Variants in ZNF804B observed in about 807,000 individuals in gnomAD.
ZNF804B encodes zinc finger 804B.
In ZNF804B, 80 loss-of-function variants were observed where a neutral mutation model predicts 101.4. The ratio of observed to expected loss-of-function variants is 0.79; its 90% CI spans 0.66 to 0.95. The LOEUF is 0.95. Among genes scored for constraint, ZNF804B ranks in the 40% least tolerant of loss-of-function variants. ZNF804B has a pLI of 0.00. For missense variants in ZNF804B, 1,673 were observed against 1,561.9 expected, an observed-to-expected ratio of 1.07 and a Z score of -1.20; for synonymous variants, 622 against 558.8, an observed-to-expected ratio of 1.11 and a Z score of -1.59.
chr7:88,952,877 A>G (rs1209970374), intron 1 of ZNF804B, among the ~76,000 whole-genome samples: 1 of 151,826 alleles, frequency 6.6e-6, no homozygotes, highest in Non-Finnish European at 1.5e-5. Flanking sequence ...GAATGGATAC[A>G]TGGAAGAGTG....
At chr7:89,187,088 T>A (rs183528703) in intron 1 of ZNF804B, among the ~76,000 whole-genome samples, 1 of 152,294 alleles carries the variant, frequency 6.6e-6, no homozygotes, top group East Asian at 1.9e-4. Context: ...AGCACAAATA[T>A]CAGAGTCCTT....
intron 1 of ZNF804B, among the ~76,000 whole-genome samples, chr7:88,868,649 C>G (rs73705569): frequency 2.6e-5 from 4 of 152,136 alleles, no homozygotes; most frequent in Non-Finnish European, 5.9e-5. Context: ...TTGATGTTTT[C>G]AGGACCCAAG....
chr7:89,209,678 G>A (rs1030656845), intron 1 of ZNF804B, among the ~76,000 whole-genome samples: 6 of 152,114 alleles, frequency 3.9e-5, no homozygotes, highest in South Asian at 2.1e-4. Flanking sequence ...CTAATTCTCC[G>A]TGATATGAAT....
chr7:88,876,855 T>C (rs568565028), intron 1 of ZNF804B, among the ~76,000 whole-genome samples: 4 of 150,664 alleles, frequency 2.7e-5, no homozygotes, highest in African/African-American at 9.8e-5. Context: ...GTTAATAAAA[T>C]ATACACCACT....
intron 2 of ZNF804B, among the ~76,000 whole-genome samples, chr7:89,305,755 C>T (rs1470621802): frequency 2.6e-5 from 4 of 151,476 alleles, no homozygotes; most frequent in African/African-American, 9.7e-5. Context: ...TTTCCCTATA[C>T]TTCTGGTATT....
chr7:88,814,175 AT>A (rs2115741591), intron 1 of ZNF804B, among the ~76,000 whole-genome samples: 1 of 152,294 alleles, frequency 6.6e-6, no homozygotes. Context: ...TGTCAAGTGA[AT>A]AAGACTTTTC....
chr7:89,043,845 G>C (rs1279362264), intron 1 of ZNF804B, among the ~76,000 whole-genome samples: 3 of 152,210 alleles, frequency 2.0e-5, no homozygotes, highest in East Asian at 3.9e-4. Context: ...AACTGGGCCA[G>C]GGACCTCCTT....
At chr7:88,870,301 C>T (rs992731014) in intron 1 of ZNF804B, among the ~76,000 whole-genome samples, 10 of 144,502 alleles carry the variant, frequency 6.9e-5, no homozygotes, top group South Asian at 2.2e-4. Flanking sequence ...AGGAGAATGG[C>T]GTGAACCCGG....
chr7:88,833,691 C>G (rs1452632318), intron 1 of ZNF804B, among the ~76,000 whole-genome samples: 1 of 151,866 alleles, frequency 6.6e-6, no homozygotes, highest in Non-Finnish European at 1.5e-5. Flanking sequence ...AGCCTTAAGT[C>G]TATTGACCTC....
chr7:88,816,293 A>G lies in ZNF804B; in HGVS notation c.108+56209A>G, dbSNP rs527507791. Among the ~76,000 whole-genome samples the G allele has an allele frequency of 1.3e-4, 20 of 152,310 alleles. No individual in the cohort carries two copies. The East Asian group carries it at 3.7e-3, about 28-fold the overall frequency. On this transcript the variant is annotated intron_variant, in intron 1 of 3. Coordinates refer to ENST00000333190, the MANE Select transcript of ZNF804B (RefSeq NM_181646.5). The stretch of plus-strand genomic sequence containing the variant: ...CCATAAAAGCTGCAGAAGAAAACCT[A>G]GGCAATACCATTCAGGATATAGGCA...
At chr7:89,307,905 T>G (rs1394797757) in intron 2 of ZNF804B, among the ~76,000 whole-genome samples, 1 of 152,034 alleles carries the variant, frequency 6.6e-6, no homozygotes, top group Non-Finnish European at 1.5e-5. Flanking sequence ...CCTAATAACC[T>G]TTTTTCCTCA....
intron 1 of ZNF804B, among the ~76,000 whole-genome samples, chr7:88,907,263 G>T (rs1389114991): frequency 3.3e-5 from 5 of 151,916 alleles, no homozygotes; most frequent in African/African-American, 7.2e-5. Context: ...GATAGCACAA[G>T]GTTGAGTCTT....
intron 1 of ZNF804B, among the ~76,000 whole-genome samples, chr7:89,186,828 A>G (rs1445349978): frequency 1.3e-5 from 2 of 152,142 alleles, no homozygotes; most frequent in Non-Finnish European, 2.9e-5. Context: ...GTAATATGAT[A>G]TAGCAGTTGT....
intron 1 of ZNF804B, among the ~76,000 whole-genome samples, chr7:89,086,489 G>T (rs1789803207): frequency 6.6e-6 from 1 of 151,924 alleles, no homozygotes; most frequent in East Asian, 1.9e-4. Context: ...TGCAGTCAAG[G>T]TGTCTGGTTA....
chr7:89,295,706 T>A (rs562229009), intron 2 of ZNF804B, among the ~76,000 whole-genome samples: 1 of 152,262 alleles, frequency 6.6e-6, no homozygotes, highest in East Asian at 1.9e-4. Context: ...AAAAATATAT[T>A]TGACTTATTT....
intron 1 of ZNF804B, among the ~76,000 whole-genome samples, chr7:88,988,205 A>G (rs1793792296): frequency 6.6e-6 from 1 of 152,048 alleles, no homozygotes; most frequent in African/African-American, 2.4e-5. Context: ...ACATTTTACC[A>G]CCAAGAAAAA....
At chr7:88,819,922 A>C (rs1423096572) in intron 1 of ZNF804B, among the ~76,000 whole-genome samples, 1 of 152,166 alleles carries the variant, frequency 6.6e-6, no homozygotes, top group Non-Finnish European at 1.5e-5. Flanking sequence ...TTTGCTCAGG[A>C]AGCATAGTTT....
In ZNF804B at chr7:89,022,519, T is replaced by C. The variant is rs182563688; in HGVS notation, c.109-195636T>C. On this transcript the variant is annotated intron_variant, in intron 1 of 3. Coordinates refer to ENST00000333190, the MANE Select transcript of ZNF804B (RefSeq NM_181646.5). ...ATATTTTTCCTAAAATTTCAAATTG[T>C]TTATGAAAATGTGATTTAAGTATGT... Among the ~76,000 whole-genome samples the C allele has an allele frequency of 3.3e-5, 5 of 152,292 alleles. No individual in the cohort carries two copies. In the East Asian group the frequency reaches 9.6e-4, roughly 29 times the overall value.
At chr7:89,058,769 C>A (rs2116277994) in intron 1 of ZNF804B, among the ~76,000 whole-genome samples, 1 of 152,228 alleles carries the variant, frequency 6.6e-6, no homozygotes, top group Non-Finnish European at 1.5e-5. Flanking sequence ...TTTCAGCTCA[C>A]CGCAACCTTG....
Sources: gnomAD v4.1 joint callset for allele counts (sites outside exome capture counted in the v4.1 genomes callset) on GRCh38, gnomAD v4.1.1 for gene constraint, MANE v1.5 for transcripts, NCBI Gene and HGNC (gene_info 2026-07-23, HGNC 2026-07-21) for gene names.